The following DCLK1 variants were observed in gnomAD, a reference collection of about 807,000 sequenced individuals.
DCLK1 encodes doublecortin like kinase 1, also known as serine/threonine-protein kinase DCLK1.
In DCLK1, 16 loss-of-function variants were observed where a neutral mutation model predicts 86.2. That is an observed-to-expected ratio of 0.19 (90% CI 0.13 to 0.28). The LOEUF is 0.28. DCLK1 is among the 10% of genes least tolerant of loss of function. The pLI is 1.00. For synonymous variants in DCLK1, 369 were observed against 370.5 expected (o/e 1.00, Z 0.05); for missense variants, 590 against 940.2 (o/e 0.63, Z 4.87).
intron 2 of DCLK1, among the ~76,000 whole-genome samples, chr13:36,122,800 T>C (rs1308330579): frequency 2.0e-5 from 3 of 152,206 alleles, no homozygotes; most frequent in Non-Finnish European, 2.9e-5. Context: ...TATGTGTGTA[T>C]ATACATACAT....
chr13:36,066,626 C>T (rs1883760186), intron 3 of DCLK1, among the ~76,000 whole-genome samples: 1 of 151,874 alleles, frequency 6.6e-6, no homozygotes, highest in Non-Finnish European at 1.5e-5. Flanking sequence ...AGGCAACCTA[C>T]AAAATGGGAG....
chr13:36,107,610 C>G (rs1480475007), intron 3 of DCLK1, among the ~76,000 whole-genome samples: 2 of 152,036 alleles, frequency 1.3e-5, no homozygotes, highest in African/African-American at 4.8e-5. Context: ...TTTGTCATTG[C>G]TGTATTTCAG....
intron 3 of DCLK1, among the ~76,000 whole-genome samples, chr13:35,988,183 C>T (rs1449383368): frequency 2.0e-5 from 3 of 152,204 alleles, no homozygotes; most frequent in Admixed American, 6.5e-5. Flanking sequence ...CGCTGGGATG[C>T]GTCGGCCCCC....
At chr13:35,883,470 G>A (rs1024874425) in intron 4 of DCLK1, among the ~76,000 whole-genome samples, 1 of 152,182 alleles carries the variant, frequency 6.6e-6, no homozygotes, top group Admixed American at 6.5e-5. Context: ...ATGAGTGGAA[G>A]TAGCTTGAGG....
At chr13:35,868,909 G>C (rs1008354543) in intron 5 of DCLK1, among the ~76,000 whole-genome samples, 1 of 152,134 alleles carries the variant, frequency 6.6e-6, no homozygotes, top group African/African-American at 2.4e-5. Flanking sequence ...TCCTGCCTCA[G>C]CCTCCTGAGT....
chr13:36,009,850 C>T (rs1202604258), intron 3 of DCLK1, among the ~76,000 whole-genome samples: 2 of 56,606 alleles, frequency 3.5e-5, no homozygotes, highest in Admixed American at 2.2e-4. Context: ...ATTCTTCCTA[C>T]CCATGAGCAT....
intron 8 of DCLK1, among the ~76,000 whole-genome samples, chr13:35,834,532 A>C (rs1407385823): frequency 6.6e-6 from 1 of 152,232 alleles, no homozygotes; most frequent in East Asian, 1.9e-4. Flanking sequence ...TACTGATATT[A>C]TGAAAGTATT....
At chr13:36,064,627 C>A (rs1883681540) in intron 3 of DCLK1, among the ~76,000 whole-genome samples, 2 of 151,004 alleles carry the variant, frequency 1.3e-5, no homozygotes, top group Admixed American at 1.3e-4. Context: ...CCACTGCACT[C>A]CAGCCTGGCG....
chr13:35,975,649 C>T (rs532249624), intron 3 of DCLK1, among the ~76,000 whole-genome samples: 1 of 151,792 alleles, frequency 6.6e-6, no homozygotes, highest in Non-Finnish European at 1.5e-5. Flanking sequence ...GCCCTGAGCA[C>T]GGGGATGAGT....
At chr13:35,958,126 C>CCACTACTGTAACCATCACCACCAT (rs1194065898) in intron 3 of DCLK1, among the ~76,000 whole-genome samples, 750 of 4,256 alleles carry the variant, frequency 0.18, 200 homozygotes, top group Non-Finnish European at 0.2. Flanking sequence ...ACCACCACTA[C>CCACTACTGTAACCATCACCACCAT]CACTACTATA....
chr13:36,011,141 TG>T (rs1881244437), intron 3 of DCLK1, among the ~76,000 whole-genome samples: 1 of 100,764 alleles, frequency 9.9e-6, no homozygotes, highest in Non-Finnish European at 2.1e-5. Flanking sequence ...ATCTTGCTAG[TG>T]GTCTATCAAT....
chr13:35,948,822 C>T (rs1051750634), intron 3 of DCLK1, among the ~76,000 whole-genome samples: 1 of 152,172 alleles, frequency 6.6e-6, no homozygotes, highest in Non-Finnish European at 1.5e-5. Flanking sequence ...GCTGTAATCA[C>T]TGAGGAAGAT....
chr13:35,977,105 T>C lies in DCLK1; in HGVS notation c.724-29648A>G, dbSNP rs1347303367. On this transcript the variant is annotated intron_variant, in intron 3 of 16. Coordinates refer to ENST00000360631, the MANE Select transcript of DCLK1 (RefSeq NM_001330071.2). ...AAGAAATGACAAAAATAAAATGCTG[T>C]ATTTTTCGTGTATGTGTGTGTGTAT... Among the ~76,000 whole-genome samples, 3 of 141,244 alleles carry C rather than the reference T, an allele frequency of 2.1e-5. No homozygotes were observed. The Admixed American group carries it at 2.3e-4, about 11-fold the overall frequency. The allele number at this position is 141,244 out of a possible 152,430, so 92.7% of individuals were successfully genotyped here.
intron 4 of DCLK1, among the ~76,000 whole-genome samples, chr13:35,923,519 A>T (rs548935637): frequency 2.0e-4 from 30 of 152,074 alleles, no homozygotes; most frequent in African/African-American, 7.2e-4. Flanking sequence ...CAGGAGGCTT[A>T]GGAGGGAGCA....
At chr13:35,812,448 G>C (rs1200604000) in intron 11 of DCLK1, among the ~76,000 whole-genome samples, 3 of 152,180 alleles carry the variant, frequency 2.0e-5, no homozygotes. Context: ...GCAGTAGTTT[G>C]AATCTTTTGC....
At position 35,768,902 on chromosome 13, in the gene DCLK1, T is replaced by C. The variant is rs2086279643; in HGVS notation, c.*5633A>G. On this transcript the variant is annotated 3_prime_UTR_variant, in exon 17 of 17. Coordinates refer to ENST00000360631, the MANE Select transcript of DCLK1 (RefSeq NM_001330071.2). ...GTGAACTGAATGTGTCAATTGTGAA[T>C]TGAACTAAGGTGAAATTTTACTCCA... 6.6e-6 allele frequency: 1 copy of C among 152,228 alleles called. No homozygotes were observed. Among genetic ancestry groups the C allele is most frequent in the Non-Finnish European group, 1.5e-5 (1 of 68,038 alleles). The allele number at this position is 152,228 out of a possible 1,614,324, so 9.4% of individuals were successfully genotyped here.
intron 6 of DCLK1, chr13:35,847,260 C>A: frequency 2.0e-6 from 2 of 985,142 alleles, no homozygotes; most frequent in South Asian, 9.4e-5. Flanking sequence ...ACCAGTTGAG[C>A]AAACTGCTTT....
chr13:36,111,703 T>C (rs1885624004), intron 3 of DCLK1, among the ~76,000 whole-genome samples, 166 bp downstream of exon 3: 1 of 152,212 alleles, frequency 6.6e-6, no homozygotes, highest in Admixed American at 6.5e-5. Context: ...ATAATCCTGC[T>C]CAACTCAAAC....
chr13:35,922,386 C>G (rs544376477), intron 4 of DCLK1, among the ~76,000 whole-genome samples: 1 of 152,260 alleles, frequency 6.6e-6, no homozygotes, highest in African/African-American at 2.4e-5. Flanking sequence ...ATGCCCTGCA[C>G]ACGGCATCAA....
Sources: allele counts gnomAD v4.1 joint callset (sites outside exome capture counted in the v4.1 genomes callset), GRCh38; gene constraint gnomAD v4.1.1; transcripts MANE v1.5; gene names NCBI Gene and HGNC (gene_info 2026-07-23, HGNC 2026-07-21).